CDH23: variants seen among roughly 807,000 people sequenced by gnomAD.
CDH23 encodes the protein cadherin-23.
A neutral mutation model predicts 317.1 loss-of-function variants in CDH23; 189 were observed. The ratio of observed to expected loss-of-function variants is 0.60; its 90% CI spans 0.53 to 0.67. CDH23 has a LOEUF of 0.67. Ranked by LOEUF, CDH23 falls within the 30% of genes least tolerant of loss-of-function variation. The pLI is 0.00. For missense variants in CDH23, 4,401 were observed against 4,592.4 expected, an observed-to-expected ratio of 0.96 and a Z score of 1.20; for synonymous variants, 1,839 against 1,876.8, an observed-to-expected ratio of 0.98 and a Z score of 0.52.
At chr10:71,784,154 C>A in intron 41 of CDH23, 133 bp from the exon 42 acceptor site, 1 of 883,110 alleles carries the variant, frequency 1.1e-6, no homozygotes, top group Non-Finnish European at 1.7e-6. Flanking sequence ...GCTGGGGTCA[C>A]TGGAGGACCC....
intron 6 of CDH23, among the ~76,000 whole-genome samples, chr10:71,556,740 G>A (rs1856895504): frequency 6.6e-6 from 1 of 152,214 alleles, no homozygotes; most frequent in Admixed American, 6.5e-5. Flanking sequence ...AATAAAAGCA[G>A]CAGACCCTGA....
intron 49 of CDH23, among the ~76,000 whole-genome samples, chr10:71,797,830 G>T (rs533802970): frequency 6.6e-6 from 1 of 152,186 alleles, no homozygotes; most frequent in East Asian, 1.9e-4. Context: ...AGAGTTGAGT[G>T]GGGGAAGTGG....
At chr10:71,732,748 C>CACCGAG in intron 32 of CDH23, 23 of 1,122,264 alleles carry the variant, frequency 2.0e-5, no homozygotes, top group South Asian at 1.4e-4. Flanking sequence ...TCTGTTTTTC[C>CACCGAG]TTCTGTTTTC....
chr10:71,644,457 G>T (rs1000804440), intron 12 of CDH23, among the ~76,000 whole-genome samples: 1 of 152,232 alleles, frequency 6.6e-6, no homozygotes, highest in African/African-American at 2.4e-5. Flanking sequence ...GCATTTAGGG[G>T]GCAGCCCCAG....
intron 8 of CDH23, among the ~76,000 whole-genome samples, chr10:71,576,231 A>G (rs57227860): frequency 0.13 from 20,503 of 152,098 alleles, 2,068 homozygotes; most frequent in East Asian, 0.53. Flanking sequence ...CCTGCTCTGC[A>G]TGTGTGTCTG....
chr10:71,608,805 C>T (rs958773417), intron 9 of CDH23, among the ~76,000 whole-genome samples: 3 of 152,340 alleles, frequency 2.0e-5, no homozygotes, highest in Non-Finnish European at 2.9e-5. Flanking sequence ...GCGAGAGATG[C>T]GGGTGGGCTT....
chr10:71,473,625 T>G (rs1851630556), intron 3 of CDH23, among the ~76,000 whole-genome samples: 1 of 152,156 alleles, frequency 6.6e-6, no homozygotes, highest in Admixed American at 6.5e-5. Flanking sequence ...GTCTGTAAAA[T>G]GGAGATAAAA....
chr10:71,684,184 C>T (rs1248372942), intron 18 of CDH23, among the ~76,000 whole-genome samples: 2 of 152,012 alleles, frequency 1.3e-5, no homozygotes, highest in African/African-American at 4.8e-5. Context: ...ATAATGCATT[C>T]CCTGGCAGTC....
chr10:71,731,695 T>C (rs979062245), intron 31 of CDH23, among the ~76,000 whole-genome samples: 4 of 151,830 alleles, frequency 2.6e-5, no homozygotes, highest in African/African-American at 4.8e-5. Flanking sequence ...CAAAGGGAGG[T>C]ACATGAGCTT....
chr10:71,445,328 T>G (rs554678475), intron 2 of CDH23, among the ~76,000 whole-genome samples: 1 of 152,310 alleles, frequency 6.6e-6, no homozygotes, highest in Non-Finnish European at 1.5e-5. Context: ...GCTATTATCA[T>G]CATCGTTATT....
At chr10:71,402,748 C>CAT (rs1491372464) in intron 1 of CDH23, among the ~76,000 whole-genome samples, 8 of 141,620 alleles carry the variant, frequency 5.6e-5, no homozygotes, top group Non-Finnish European at 7.7e-5. Context: ...TGTGTGTGCA[C>CAT]GCGCGCGCGC....
intron 3 of CDH23, among the ~76,000 whole-genome samples, chr10:71,485,227 G>A (rs1339711804): frequency 2.0e-5 from 3 of 151,894 alleles, no homozygotes; most frequent in Non-Finnish European, 4.4e-5. Context: ...GGGTTTCACC[G>A]TGTTAGCCAG....
chr10:71,797,679 TG>T (rs1471201873), intron 49 of CDH23, among the ~76,000 whole-genome samples: 1 of 152,116 alleles, frequency 6.6e-6, no homozygotes, highest in Non-Finnish European at 1.5e-5. Flanking sequence ...GACACTGCTT[TG>T]GGGGTGCAGG....
chr10:71,480,239 G>A (rs553288714), intron 3 of CDH23, among the ~76,000 whole-genome samples: 3 of 152,340 alleles, frequency 2.0e-5, no homozygotes, highest in Admixed American at 6.5e-5. Flanking sequence ...GTGGGTGGCC[G>A]GGCAGGACCT....
intron 6 of CDH23, among the ~76,000 whole-genome samples, chr10:71,531,566 C>A (rs1425103015): frequency 6.6e-6 from 1 of 152,100 alleles, no homozygotes; most frequent in Non-Finnish European, 1.5e-5. Context: ...GCTCTGTGCT[C>A]ATTAGCCTTG....
intron 24 of CDH23, 37 bp from the exon 25 acceptor site, chr10:71,704,874 C>T (rs1865718882): frequency 4.0e-6 from 6 of 1,504,110 alleles, no homozygotes; most frequent in Non-Finnish European, 5.5e-6. Context: ...TCCCAGTGTC[C>T]CCTCCCCACC....
chr10:71,576,684 G>A (rs975264221), intron 8 of CDH23, among the ~76,000 whole-genome samples: 2 of 152,310 alleles, frequency 1.3e-5, no homozygotes, highest in Admixed American at 6.5e-5. Context: ...TGGAGCCAGA[G>A]CCTCAGGCAG....
chr10:71,405,029 G>A (rs1209617810), intron 1 of CDH23, among the ~76,000 whole-genome samples: 3 of 152,164 alleles, frequency 2.0e-5, no homozygotes, highest in Non-Finnish European at 4.4e-5. Flanking sequence ...AAACAAAAAG[G>A]GCAGCCGCGA....
chr10:71,657,728 CA>C (rs1243116137), intron 14 of CDH23, among the ~76,000 whole-genome samples: 2 of 152,048 alleles, frequency 1.3e-5, no homozygotes, highest in African/African-American at 4.8e-5. Flanking sequence ...CCTCCCTCCC[CA>C]CCCCCTCCTG....
Sources: allele counts gnomAD v4.1 joint callset (sites outside exome capture counted in the v4.1 genomes callset), GRCh38; gene constraint gnomAD v4.1.1; transcripts MANE v1.5; gene names NCBI Gene and HGNC (gene_info 2026-07-23, HGNC 2026-07-21).